Variants in ACMSD observed in about 807,000 individuals in gnomAD.
ACMSD encodes aminocarboxymuconate semialdehyde decarboxylase, also known as 2-amino-3-carboxymuconate-6-semialdehyde decarboxylase.
Under a neutral mutation model 45.9 loss-of-function variants are expected in ACMSD, and 37 were observed. The ratio of observed to expected loss-of-function variants is 0.81; its 90% CI spans 0.62 to 1.06. The LOEUF (loss-of-function observed/expected upper bound fraction) is 1.06, where lower values mean the gene tolerates loss of function less well. ACMSD is among the 50% of genes least tolerant of loss of function. ACMSD has a pLI of 0.00. For synonymous variants in ACMSD, 138 were observed against 148.8 expected, an observed-to-expected ratio of 0.93 and a Z score of 0.53; for missense variants, 434 against 420.9, an observed-to-expected ratio of 1.03 and a Z score of -0.27.
intron 8 of ACMSD, among the ~76,000 whole-genome samples, chr2:134,892,416 G>A (rs538147584): frequency 6.6e-6 from 1 of 152,062 alleles, no homozygotes; most frequent in Admixed American, 6.6e-5. Context: ...GAGAGGCTCT[G>A]TAAAAAGGGC....
intron 6 of ACMSD, 74 bp downstream of exon 6, chr2:134,867,746 T>A: frequency 8.3e-7 from 1 of 1,200,742 alleles, no homozygotes; most frequent in Non-Finnish European, 1.2e-6. Flanking sequence ...AAACCTATTA[T>A]GTCAAATAGG....
chr2:134,895,254 G>GA (rs1339014117), intron 8 of ACMSD, among the ~76,000 whole-genome samples: 1 of 149,838 alleles, frequency 6.7e-6, no homozygotes, highest in Non-Finnish European at 1.5e-5. Flanking sequence ...AGTGAGCTGA[G>GA]ACTGTGCCAC....
At chr2:134,884,072 C>T (rs1034726664) in intron 8 of ACMSD, among the ~76,000 whole-genome samples, 12 of 152,140 alleles carry the variant, frequency 7.9e-5, no homozygotes, top group African/African-American at 2.9e-4. Context: ...ATGAGATGTA[C>T]AGACAGATAA....
At position 134,855,511 on chromosome 2, in the gene ACMSD, A is replaced by G. The variant is rs540944296; in HGVS notation, c.103-3750A>G. Among the ~76,000 whole-genome samples the G allele has an allele frequency of 7.7e-4, 117 of 152,358 alleles. 1 individual carries two copies. Among genetic ancestry groups the G allele is most frequent in the Non-Finnish European group, 1.5e-3 (100 of 68,032 alleles). On this transcript the variant is annotated intron_variant, in intron 2 of 9. Coordinates refer to ENST00000356140, the MANE Select transcript of ACMSD (RefSeq NM_138326.3). ...AGAGCAAGTATTTGGCCTTCTGCAG[A>G]AGAAGGCTAGGCCCTGCCTCCACCA... is the stretch of plus-strand genomic sequence containing the variant.
rs1185448332 is a variant in ACMSD at position 134,838,679 on chromosome 2, G to C, written c.-4G>C. ...TCCTTGCATGCTTCTCTGATCCTGT[G>C]GAGATGAAAATTGACATCCATAGTC... On this transcript the variant is annotated 5_prime_UTR_variant, in exon 1 of 10. Coordinates refer to ENST00000356140, the MANE Select transcript of ACMSD (RefSeq NM_138326.3). The C allele has an allele frequency of 6.2e-7, 1 of 1,606,272 alleles. No homozygotes were observed. The highest frequency in any genetic ancestry group is 1.7e-5 in the Admixed American group (1 of 59,614).
intron 1 of ACMSD, among the ~76,000 whole-genome samples, chr2:134,839,355 AAG>A (rs990124043): frequency 3.9e-5 from 6 of 152,200 alleles, no homozygotes; most frequent in East Asian, 1.9e-4. Context: ...GACATCTCCT[AAG>A]AGAGTATTCT....
intron 1 of ACMSD, among the ~76,000 whole-genome samples, chr2:134,842,661 A>C (rs1311974183): frequency 6.6e-6 from 1 of 152,148 alleles, no homozygotes; most frequent in African/African-American, 2.4e-5. Context: ...CATTGTTAGC[A>C]TGAATGAAGC....
chr2:134,840,750 T>C (rs1390474588), intron 1 of ACMSD, among the ~76,000 whole-genome samples: 2 of 151,720 alleles, frequency 1.3e-5, no homozygotes. Flanking sequence ...TCTTCTTCTT[T>C]TTTTATTTTT....
At chr2:134,873,614 A>G (rs990199980) in intron 8 of ACMSD, 2 of 152,228 alleles carry the variant, frequency 1.3e-5, no homozygotes, top group Admixed American at 1.3e-4. Context: ...TTATCTCCAG[A>G]ATGGACACTT....
intron 7 of ACMSD, among the ~76,000 whole-genome samples, chr2:134,871,678 G>GACACACACACACACAC (rs368267244): frequency 5.8e-5 from 8 of 137,736 alleles, no homozygotes; most frequent in East Asian, 4.7e-4. Flanking sequence ...CCCTTCAACA[G>GACACACACACACACAC]ACAGACACAC....
chr2:134,858,761 C>G (rs1687705141), intron 2 of ACMSD, among the ~76,000 whole-genome samples: 1 of 151,992 alleles, frequency 6.6e-6, no homozygotes. Flanking sequence ...TCTTTGCCCA[C>G]CTCCTCCCAC....
intron 7 of ACMSD, among the ~76,000 whole-genome samples, chr2:134,871,331 T>A (rs977403610): frequency 6.6e-6 from 1 of 152,152 alleles, no homozygotes; most frequent in Non-Finnish European, 1.5e-5. Context: ...TATGACCTCA[T>A]GTAACCTTAA....
Position 134,876,935 on chromosome 2 carries a change from C to T in ACMSD, c.849+4294C>T, listed in dbSNP as rs543512077. Among the ~76,000 whole-genome samples the T allele has an allele frequency of 1.1e-4, 16 of 152,246 alleles. No homozygotes were observed. The East Asian group carries it at 3.1e-3, about 29-fold the overall frequency. On this transcript the variant is annotated intron_variant, in intron 8 of 9. Coordinates refer to ENST00000356140, the MANE Select transcript of ACMSD (RefSeq NM_138326.3). ...TAGCTGGGATTACAGGAATGCACCA[C>T]CACACCCAGTGTATTTTTAGTAGAG...
chr2:134,894,860 T>C (rs1275711610), intron 8 of ACMSD, among the ~76,000 whole-genome samples: 1 of 152,106 alleles, frequency 6.6e-6, no homozygotes, highest in Non-Finnish European at 1.5e-5. Flanking sequence ...ACAAAGAAAC[T>C]ATTAGGGCTA....
At chr2:134,890,537 T>G (rs1019788412) in intron 8 of ACMSD, among the ~76,000 whole-genome samples, 4 of 152,052 alleles carry the variant, frequency 2.6e-5, no homozygotes, top group Admixed American at 1.3e-4. Context: ...TGACAAAATT[T>G]GAATATGAAC....
intron 8 of ACMSD, among the ~76,000 whole-genome samples, chr2:134,894,501 C>T (rs1037424642): frequency 3.3e-5 from 5 of 152,042 alleles, no homozygotes; most frequent in African/African-American, 1.2e-4. Flanking sequence ...AAGCTGATGA[C>T]CAGATGTCTT....
At chr2:134,865,696 C>A (rs1232654785) in intron 5 of ACMSD, among the ~76,000 whole-genome samples, 1 of 152,212 alleles carries the variant, frequency 6.6e-6, no homozygotes, top group Non-Finnish European at 1.5e-5. Flanking sequence ...TTTGTCATCT[C>A]AAGGTGATCC....
intron 9 of ACMSD, among the ~76,000 whole-genome samples, chr2:134,899,051 G>A (rs1690347657): frequency 6.6e-6 from 1 of 151,974 alleles, no homozygotes; most frequent in South Asian, 2.1e-4. Context: ...AAAAAAATAA[G>A]TTCTTCCTAA....
chr2:134,862,139 C>T, intron 4 of ACMSD, 121 bp downstream of exon 4: 2 of 1,050,906 alleles, frequency 1.9e-6, no homozygotes, highest in Non-Finnish European at 1.5e-6. Flanking sequence ...CAACTGTCCT[C>T]CCCTTTAGCG....
Sources: allele counts gnomAD v4.1 joint callset (sites outside exome capture counted in the v4.1 genomes callset), GRCh38; gene constraint gnomAD v4.1.1; transcripts MANE v1.5; gene names NCBI Gene and HGNC (gene_info 2026-07-23, HGNC 2026-07-21).